The following MEP1A variants were observed in gnomAD, a reference collection of about 807,000 sequenced individuals.
The protein encoded by MEP1A is N-benzoyl-L-tyrosyl-P-amino-benzoic acid hydrolase subunit alpha.
Under a neutral mutation model 84.5 loss-of-function variants are expected in MEP1A, and 68 were observed. The ratio of observed to expected loss-of-function variants is 0.80; its 90% CI spans 0.66 to 0.98. MEP1A has a LOEUF of 0.98. Among genes scored for constraint, MEP1A ranks in the 50% least tolerant of loss-of-function variants. MEP1A has a pLI of 0.00. For missense variants in MEP1A, 887 were observed against 919.9 expected, an observed-to-expected ratio of 0.96 and a Z score of 0.46; for synonymous variants, 337 against 336.8, an observed-to-expected ratio of 1.00 and a Z score of -0.01.
chr6:46,832,389 C>T (rs770616101), intron 10 of MEP1A, among the ~76,000 whole-genome samples: 7 of 152,248 alleles, frequency 4.6e-5, no homozygotes, highest in Non-Finnish European at 8.8e-5. Context: ...CATCTTTCCT[C>T]AGCTCTTAAT....
At chr6:46,820,777 GAA>G (rs548856625) in intron 7 of MEP1A, among the ~76,000 whole-genome samples, 4 of 145,276 alleles carry the variant, frequency 2.8e-5, no homozygotes, top group Non-Finnish European at 1.5e-5. Context: ...TGATGTGGTA[GAA>G]AAAAAAAAAG....
chr6:46,828,616 T>A lies in MEP1A; in HGVS notation c.929-740T>A, dbSNP rs144727669. Among the ~76,000 whole-genome samples the A allele has an allele frequency of 3.0e-3, 454 of 152,356 alleles. 6 individuals carry two copies. Among genetic ancestry groups the A allele is most frequent in the African/African-American group, 0.01 (433 of 41,584 alleles). ...CATATGCAAGAATTTTTCATTGTGC[T>A]TGACTTTGACAAGTGTGTGGTTTAC... On this transcript the variant is annotated intron_variant, in intron 9 of 13. Transcript: ENST00000230588.
intron 6 of MEP1A, among the ~76,000 whole-genome samples, chr6:46,819,034 C>A (rs74994085): frequency 0.047 from 7,109 of 152,150 alleles, 181 homozygotes; most frequent in African/African-American, 0.076. Flanking sequence ...GGGAAGATCA[C>A]CTGAGTAGAG....
intron 6 of MEP1A, among the ~76,000 whole-genome samples, chr6:46,812,653 G>C (rs1722810171): frequency 6.6e-6 from 1 of 151,972 alleles, no homozygotes; most frequent in South Asian, 2.1e-4. Context: ...CAGAGGTTTT[G>C]ATAGGTTGTG....
chr6:46,798,761 CTCATCT>C (rs2150739718), intron 4 of MEP1A, 115 bp downstream of exon 4: 2 of 874,002 alleles, frequency 2.3e-6, no homozygotes, highest in East Asian at 2.5e-5. Context: ...TGAGAGAAAT[CTCATCT>C]ATAATCTGTT....
At position 46,835,473 on chromosome 6, in the gene MEP1A, T is replaced by C. The variant is rs1296064885; in HGVS notation, c.2008T>C (p.Phe670Leu). 2 of 1,613,222 alleles carry C rather than the reference T, an allele frequency of 1.2e-6. No individual in the cohort carries two copies. The highest frequency in any genetic ancestry group is 2.7e-5 in the African/African-American group (2 of 74,928). The change falls in exon 13 of 14, where the codon TTC becomes CTC. Residue 670 changes from phenylalanine (F) to leucine (L), a missense_variant. Transcript: ENST00000230588. ...PLEDHNWPQY[F>L]RDPCDPNPCQ... ...GGAGGACCATAACTGGCCACAGTAC[T>C]TCAGAGACCCATGTGACCCAAACCC...
At chr6:46,811,386 T>A (rs946503288) in intron 6 of MEP1A, among the ~76,000 whole-genome samples, 3 of 151,972 alleles carry the variant, frequency 2.0e-5, no homozygotes, top group Non-Finnish European at 4.4e-5. Context: ...TCTTTAGGGT[T>A]TTTTTAGGTA....
chr6:46,841,044 G>A (rs1037856863), downstream of MEP1A, among the ~76,000 whole-genome samples: 2 of 152,168 alleles, frequency 1.3e-5, no homozygotes, highest in African/African-American at 2.4e-5. Flanking sequence ...GGAGCATGCT[G>A]TGGTCTGTCA....
At chr6:46,805,611 T>C (rs146022967) in intron 5 of MEP1A, among the ~76,000 whole-genome samples, 67 of 152,120 alleles carry the variant, frequency 4.4e-4, no homozygotes, top group African/African-American at 1.4e-3. Flanking sequence ...CTCCAGTGTC[T>C]GATAATAAAT....
chr6:46,800,933 T>C (rs1001537008), intron 5 of MEP1A, among the ~76,000 whole-genome samples: 1 of 152,194 alleles, frequency 6.6e-6, no homozygotes, highest in Non-Finnish European at 1.5e-5. Flanking sequence ...ATACTATGTG[T>C]CTGGCTTCTT....
downstream of MEP1A, among the ~76,000 whole-genome samples, chr6:46,843,089 C>T (rs1044999067): frequency 6.6e-6 from 1 of 152,194 alleles, no homozygotes; most frequent in Admixed American, 6.5e-5. Context: ...TCTGTCAACT[C>T]TACCTTAGGG....
chr6:46,835,947 G>A (rs1768208394), intron 13 of MEP1A, among the ~76,000 whole-genome samples: 1 of 152,100 alleles, frequency 6.6e-6, no homozygotes, highest in South Asian at 2.1e-4. Context: ...ATTATTATTA[G>A]TTCTATAGTC....
At chr6:46,830,247 T>TAAAAAAAAAAAAAAA (rs56033423) in intron 10 of MEP1A, among the ~76,000 whole-genome samples, 3 of 50,092 alleles carry the variant, frequency 6.0e-5, no homozygotes, top group African/African-American at 2.5e-4. Context: ...AGACTCCATC[T>TAAAAAAAAAAAAAAA]AAAAAAAAAA....
intron 5 of MEP1A, among the ~76,000 whole-genome samples, chr6:46,805,830 G>A (rs898005728): frequency 2.6e-5 from 4 of 151,918 alleles, no homozygotes; most frequent in South Asian, 2.1e-4. Context: ...TCTGAAAAAC[G>A]TTAGGCCATT....
chr6:46,797,826 CTT>C (rs1767086818), intron 3 of MEP1A, among the ~76,000 whole-genome samples: 2 of 146,908 alleles, frequency 1.4e-5, no homozygotes, highest in South Asian at 2.2e-4. Flanking sequence ...TTCTTTCTTT[CTT>C]TCTTTCTTTC....
intron 12 of MEP1A, among the ~76,000 whole-genome samples, chr6:46,834,953 C>A (rs1768178633): frequency 6.6e-6 from 1 of 152,150 alleles, no homozygotes. Context: ...TTAGTGTCAT[C>A]TTTTTGATAA....
At chr6:46,823,352 C>G (rs185023963) in intron 7 of MEP1A, among the ~76,000 whole-genome samples, 1 of 152,198 alleles carries the variant, frequency 6.6e-6, no homozygotes, top group Non-Finnish European at 1.5e-5. Flanking sequence ...TGGCTCATGC[C>G]TATAATCCCA....
Position 46,835,300 on chromosome 6 carries a change from G to A in MEP1A, c.1835G>A (p.Ser612Asn). Residue 612 changes from serine (S) to asparagine (N), a missense_variant, in exon 13 of 14, where the codon AGC becomes AAC. Coordinates refer to ENST00000230588, the MANE Select transcript of MEP1A (RefSeq NM_005588.3). ...TEVPTKGKRL[S>N]PQGLILQGQE... ...GTTCCCACTAAAGGCAAAAGACTGA[G>A]CCCCCAAGGCCTCATTCTCCAAGGC... 1.9e-6 allele frequency: 3 copies of A among 1,605,258 alleles called. No individual in the cohort carries two copies. Among genetic ancestry groups the A allele is most frequent in the Non-Finnish European group, 2.6e-6 (3 of 1,176,088 alleles).
intron 6 of MEP1A, among the ~76,000 whole-genome samples, chr6:46,810,112 C>A (rs1371797798): frequency 6.6e-6 from 1 of 151,934 alleles, no homozygotes; most frequent in East Asian, 1.9e-4. Context: ...TTCACTGCAT[C>A]CACACCAATA....
Sources: gnomAD v4.1 joint callset for allele counts (sites outside exome capture counted in the v4.1 genomes callset) on GRCh38, gnomAD v4.1.1 for gene constraint, MANE v1.5 for transcripts, NCBI Gene and HGNC (gene_info 2026-07-23, HGNC 2026-07-21) for gene names.